ZNF808: variants seen among roughly 807,000 people sequenced by gnomAD.
ZNF808 encodes the protein zinc finger protein 808.
ZNF808 carries 5 observed loss-of-function variants against 8.7 expected under a neutral mutation model. The observed-to-expected ratio is 0.58, with a 90% CI of 0.30 to 1.21. The LOEUF (loss-of-function observed/expected upper bound fraction) is 1.21, where lower values mean the gene tolerates loss of function less well. Among genes scored for constraint, ZNF808 ranks in the 50% most tolerant of loss-of-function variants. The pLI is 0.07. For missense variants in ZNF808, 1,103 were observed against 1,098.4 expected, an observed-to-expected ratio of 1.00 and a Z score of -0.06; for synonymous variants, 380 against 366.0, an observed-to-expected ratio of 1.04 and a Z score of -0.44.
downstream of ZNF808, among the ~76,000 whole-genome samples, chr19:52,568,297 C>G (rs778236180): frequency 6.6e-6 from 1 of 152,198 alleles, no homozygotes; most frequent in East Asian, 1.9e-4. Context: ...CTGCTTGAAC[C>G]CAGGACGTGG....
At chr19:52,539,547 G>GTTTTTT (rs2059649076) in intron 2 of ZNF808, among the ~76,000 whole-genome samples, 3 of 73,360 alleles carry the variant, frequency 4.1e-5, no homozygotes, top group African/African-American at 1.2e-4. Flanking sequence ...TTGTTGTGGT[G>GTTTTTT]GTTTTTTTTT....
chr19:52,548,579 C>T (rs999299145), intron 4 of ZNF808, among the ~76,000 whole-genome samples: 2 of 152,128 alleles, frequency 1.3e-5, no homozygotes, highest in Non-Finnish European at 2.9e-5. Context: ...TGTGTCACCA[C>T]ACCCGGGTAA....
At chr19:52,564,355 CT>C in exon 4 of ZNF808, 1 of 528,434 alleles carries the variant, frequency 1.9e-6, no homozygotes, top group Non-Finnish European at 3.4e-6. Context: ...ATATTTTTTT[CT>C]CTCTGAATCT....
intron 2 of ZNF808, among the ~76,000 whole-genome samples, chr19:52,534,031 G>A (rs1322359829): frequency 6.6e-6 from 1 of 152,036 alleles, no homozygotes; most frequent in East Asian, 1.9e-4. Flanking sequence ...CAACTTCTAG[G>A]AGTTTTCCTG....
At position 52,555,241 on chromosome 19, in the gene ZNF808, G is replaced by C. The variant is rs758123413; in HGVS notation, c.2325G>C (p.Trp775Cys). ...ACTGTGGCAATACCTTCCGTCACTG[G>C]TCATCCCTTGTATACCATCGTAGAC... ...CNDCGNTFRH[W>C]SSLVYHRRLH... The change falls in exon 5 of 5, where the codon TGG becomes TGC. Residue 775 changes from tryptophan to cysteine, a missense_variant. Physicochemically the swap from Trp to Cys is radical, Grantham distance 215. Coordinates refer to ENST00000359798, the MANE Select transcript of ZNF808 (RefSeq NM_001039886.4). 1.9e-6 allele frequency: 3 copies of C among 1,613,782 alleles called. No individual in the cohort carries two copies. The East Asian group carries it at 6.7e-5, about 36-fold the overall frequency.
intron 1 of ZNF808, among the ~76,000 whole-genome samples, chr19:52,529,069 G>A (rs2059537506): frequency 6.6e-6 from 1 of 151,696 alleles, no homozygotes; most frequent in East Asian, 1.9e-4. Flanking sequence ...AATTAGGGAG[G>A]GAAGCGCAGT....
At chr19:52,549,666 T>C (rs326445) in intron 4 of ZNF808, among the ~76,000 whole-genome samples, 59,935 of 151,616 alleles carry the variant, frequency 0.4, 14,398 homozygotes, top group African/African-American at 0.66. Flanking sequence ...GCACAAAGTT[T>C]ACTCCTACAT....
chr19:52,531,502 TTAA>T lies in ZNF808; in HGVS notation c.-121-1399_-121-1397del, dbSNP rs537556024. ...ATAAATAAATAAATTAATTAATTAA[TTAA>T]TAATAAAAATAAAAGCAGACGTATT... On this transcript the variant is annotated intron_variant, in intron 1 of 4. Transcript: ENST00000359798. Among the ~76,000 whole-genome samples the T allele has an allele frequency of 3.8e-3, 574 of 151,908 alleles. 1 individual carries two copies. The highest frequency in any genetic ancestry group is 0.013 in the African/African-American group (545 of 41,438).
intron 2 of ZNF808, among the ~76,000 whole-genome samples, chr19:52,539,222 C>G (rs995684327): frequency 1.6e-5 from 2 of 123,334 alleles, no homozygotes; most frequent in African/African-American, 6.3e-5. Context: ...GAGATGGAGT[C>G]TCTCTGTGTC....
intron 2 of ZNF808, among the ~76,000 whole-genome samples, chr19:52,543,015 G>T (rs923845346): frequency 2.6e-5 from 4 of 151,920 alleles, no homozygotes; most frequent in African/African-American, 9.7e-5. Context: ...GGGGGCATCA[G>T]TGCAGCCCAG....
downstream of ZNF808, chr19:52,556,542 T>G (rs2059837369): frequency 6.6e-6 from 1 of 152,150 alleles, no homozygotes; most frequent in Non-Finnish European, 1.5e-5. Flanking sequence ...TAGGCTGGTC[T>G]TGAACTCCCA....
intron 4 of ZNF808, among the ~76,000 whole-genome samples, 177 bp from the exon 5 acceptor site, chr19:52,552,930 G>A (rs1429267955): frequency 6.6e-6 from 1 of 151,948 alleles, no homozygotes; most frequent in Non-Finnish European, 1.5e-5. Flanking sequence ...TTGATTTGAA[G>A]GACATGTAAT....
At chr19:52,556,491 T>C (rs1323941284), downstream of ZNF808, 1 of 152,188 alleles carries the variant, frequency 6.6e-6, no homozygotes, top group Non-Finnish European at 1.5e-5. Context: ...CACACCCGGC[T>C]AATTTTTTGT....
chr19:52,545,741 C>G (rs941325160), intron 3 of ZNF808, among the ~76,000 whole-genome samples: 7 of 151,456 alleles, frequency 4.6e-5, no homozygotes, highest in African/African-American at 1.7e-4. Flanking sequence ...GATTGTGCCA[C>G]TGTATTCCAG....
intron 3 of ZNF808, among the ~76,000 whole-genome samples, chr19:52,546,943 C>CTTT (rs1172936091): frequency 0.011 from 830 of 78,424 alleles, 36 homozygotes; most frequent in African/African-American, 0.039. Context: ...CCTGGAATTG[C>CTTT]TTTTTTTTTT....
In ZNF808 at chr19:52,554,917, A is replaced by G. The variant is rs371709428; in HGVS notation, c.2001A>G (p.Val667=). The G allele has an allele frequency of 1.2e-6, 2 of 1,614,210 alleles. No individual in the cohort carries two copies. Among genetic ancestry groups the G allele is most frequent in the South Asian group, 1.1e-5 (1 of 91,080 alleles). Residue 667 remains valine (V), a synonymous_variant, in exon 5 of 5, where the codon GTA becomes GTG. Transcript: ENST00000359798. ...CCTTCAGTTACAAGTCATCACTTGT[A>G]TGGCATCGTAGACTTCATGGTGGAG... The part of the protein sequence containing the change: ...GKTFSYKSSL[V]WHRRLHGGEK...
downstream of ZNF808, among the ~76,000 whole-genome samples, chr19:52,568,425 T>C (rs538161060): frequency 2.0e-5 from 3 of 152,228 alleles, no homozygotes; most frequent in East Asian, 1.9e-4. Flanking sequence ...TTTCCTAATA[T>C]CAATTTTAAA....
chr19:52,567,573 G>A (rs2059876113), downstream of ZNF808, among the ~76,000 whole-genome samples: 1 of 150,446 alleles, frequency 6.6e-6, no homozygotes, highest in Admixed American at 6.7e-5. Context: ...TCCCTGGGCT[G>A]GAGTACAATG....
chr19:52,557,257 C>G (rs1412789249), downstream of ZNF808, among the ~76,000 whole-genome samples: 1 of 150,770 alleles, frequency 6.6e-6, no homozygotes, highest in Non-Finnish European at 1.5e-5. Context: ...GCATGAGCCA[C>G]CGTGCCCCGC....
Sources: gnomAD v4.1 joint callset for allele counts (sites outside exome capture counted in the v4.1 genomes callset) on GRCh38, gnomAD v4.1.1 for gene constraint, MANE v1.5 for transcripts, NCBI Gene and HGNC (gene_info 2026-07-23, HGNC 2026-07-21) for gene names.